ALDH7A1: variants seen among roughly 807,000 people sequenced by gnomAD.
ALDH7A1 encodes alpha-aminoadipic semialdehyde dehydrogenase.
A neutral mutation model predicts 79.9 loss-of-function variants in ALDH7A1; 63 were observed. The ratio of observed to expected loss-of-function variants is 0.79; its 90% confidence interval spans 0.64 to 0.97. The LOEUF is 0.97. ALDH7A1 is among the 50% of genes least tolerant of loss of function. The pLI is 0.00. For missense variants in ALDH7A1, 627 were observed against 665.2 expected, an observed-to-expected ratio of 0.94 and a Z score of 0.63; for synonymous variants, 240 against 231.2, an observed-to-expected ratio of 1.04 and a Z score of -0.34.
intron 12 of ALDH7A1, 141 bp from the exon 13 acceptor site, chr5:126,554,534 T>C: frequency 2.8e-6 from 2 of 726,282 alleles, no homozygotes; most frequent in East Asian, 5.3e-5. Context: ...CCTTTTTCCA[T>C]AAAGAACCAG....
chr5:126,551,170 C>T (rs1749984168), intron 14 of ALDH7A1, among the ~76,000 whole-genome samples: 1 of 151,862 alleles, frequency 6.6e-6, no homozygotes, highest in South Asian at 2.1e-4. Context: ...TCAAGTGATC[C>T]TCCCAAAGCA....
intron 6 of ALDH7A1, among the ~76,000 whole-genome samples, chr5:126,576,281 A>AT: frequency 6.7e-6 from 1 of 150,176 alleles, no homozygotes; most frequent in Non-Finnish European, 1.5e-5. Context: ...AAAAAAAAAA[A>AT]GAATTGTGGA....
rs1298018110 is a variant in ALDH7A1 at position 126,544,855 on chromosome 5, G to C, written c.*110C>G. On this transcript the variant is annotated 3_prime_UTR_variant, in exon 18 of 18. Transcript: ENST00000409134. ...TGGGGTCATAGGGGGATTAGTCACTGTCACAGTCATAATAATGCATTTATT... is the reference window on the plus strand; with the variant it reads ...TGGGGTCATAGGGGGATTAGTCACTCTCACAGTCATAATAATGCATTTATT... The C allele has an allele frequency of 1.2e-6, 1 of 864,792 alleles. No individual in the cohort carries two copies. Among genetic ancestry groups the C allele is most frequent in the African/African-American group, 1.7e-5 (1 of 59,798 alleles). The allele number at this position is 864,792 out of a possible 1,614,324, so 53.6% of individuals were successfully genotyped here. A position where few individuals can be genotyped will look rare whatever the true frequency, so the allele number is the denominator to read the frequency against.
intron 11 of ALDH7A1, among the ~76,000 whole-genome samples, chr5:126,556,858 T>C (rs1340310268): frequency 6.6e-6 from 1 of 152,218 alleles, no homozygotes; most frequent in Non-Finnish European, 1.5e-5. Flanking sequence ...CCACATGTGA[T>C]GAATGAATTG....
In ALDH7A1 at chr5:126,552,081, G is replaced by A. The variant is rs778236831; in HGVS notation, c.1257C>T (p.His419=). 1.1e-5 allele frequency: 18 copies of A among 1,613,928 alleles called. No homozygotes were observed. Among genetic ancestry groups the A allele is most frequent in the Admixed American group, 5.0e-5 (3 of 60,002 alleles). The change falls in exon 14 of 18, where the codon CAC becomes CAT. Residue 419 remains histidine, a synonymous_variant. Transcript: ENST00000409134. The part of the protein sequence containing the change: ...VEPTIVTGLG[H]DASIAHTETF... Reference sequence around the variant, plus strand: ...TCTCTGTGTGTGCAATGGACGCATCGTGGCCAAGACCTGTCACAATTGTCG... The same window carrying A: ...TCTCTGTGTGTGCAATGGACGCATCATGGCCAAGACCTGTCACAATTGTCG...
intron 11 of ALDH7A1, 23 bp from the exon 12 acceptor site, chr5:126,556,038 G>C: frequency 6.5e-7 from 1 of 1,541,530 alleles, no homozygotes; most frequent in South Asian, 1.1e-5. Flanking sequence ...AGATATTCAA[G>C]GGCATAGTAT....
intron 10 of ALDH7A1, among the ~76,000 whole-genome samples, chr5:126,559,681 C>T (rs1455477240): frequency 6.6e-6 from 1 of 152,160 alleles, no homozygotes; most frequent in South Asian, 2.1e-4. Context: ...GATGCACCCA[C>T]CTTGGCCTCC....
At chr5:126,586,315 G>A (rs2112807610) in intron 3 of ALDH7A1, 1 of 152,320 alleles carries the variant, frequency 6.6e-6, no homozygotes, top group African/African-American at 2.4e-5. Flanking sequence ...TGGGTTTAAT[G>A]ATGTTTCAAT....
rs1749691046 is a variant in ALDH7A1 at position 126,543,736 on chromosome 5, G to A, written c.*1229C>T. 6.6e-6 allele frequency: 1 copy of A among 152,206 alleles called. No individual in the cohort carries two copies. The highest frequency in any genetic ancestry group is 6.5e-5 in the Admixed American group (1 of 15,274). 9.4% of individuals were successfully genotyped at this position (152,206 alleles called of 1,614,324 possible). ...TGCAGAAGGGGAGCAGAGAATGCCA[G>A]GAAGGCAGGAGAACAGGGGCCTCTG... On this transcript the variant is annotated 3_prime_UTR_variant, in exon 18 of 18. Transcript: ENST00000409134.
intron 7 of ALDH7A1, among the ~76,000 whole-genome samples, chr5:126,574,943 G>C (rs1561662617): frequency 6.6e-6 from 1 of 152,082 alleles, no homozygotes; most frequent in African/African-American, 2.4e-5. Flanking sequence ...TCAAATATAA[G>C]TAAAGCATTA....
At chr5:126,548,342 G>A (rs1035156013) in intron 16 of ALDH7A1, among the ~76,000 whole-genome samples, 15 of 151,528 alleles carry the variant, frequency 9.9e-5, no homozygotes, top group Non-Finnish European at 1.6e-4. Flanking sequence ...TAGAGACAGG[G>A]TCCTACCATG....
chr5:126,577,588 G>C (rs544996215), intron 5 of ALDH7A1, among the ~76,000 whole-genome samples: 3 of 152,208 alleles, frequency 2.0e-5, no homozygotes, highest in Admixed American at 2.0e-4. Context: ...GTTTGGTTTT[G>C]AGTCAGTCTC....
chr5:126,557,933 C>T (rs967347543), intron 11 of ALDH7A1, among the ~76,000 whole-genome samples: 4 of 151,784 alleles, frequency 2.6e-5, no homozygotes, highest in South Asian at 2.1e-4. Flanking sequence ...TTTGCAAGGC[C>T]GAGGTAGGTG....
At chr5:126,567,740 G>A (rs1247677427) in intron 9 of ALDH7A1, 1 of 160,164 alleles carries the variant, frequency 6.2e-6, no homozygotes, top group African/African-American at 2.4e-5. Context: ...CCAAAGTGCT[G>A]GGATTACAGG....
chr5:126,553,230 G>A (rs192020246), intron 13 of ALDH7A1: 8 of 152,122 alleles, frequency 5.3e-5, no homozygotes, highest in Non-Finnish European at 7.4e-5. Context: ...CCATGACTCC[G>A]TTTCTTCTAT....
intron 15 of ALDH7A1, 46 bp downstream of exon 15, chr5:126,550,150 A>G: frequency 6.3e-7 from 1 of 1,579,304 alleles, no homozygotes; most frequent in Non-Finnish European, 8.7e-7. Flanking sequence ...TCCACTCACC[A>G]CATAAATCAG....
At chr5:126,562,691 C>T (rs544660059) in intron 9 of ALDH7A1, among the ~76,000 whole-genome samples, 4 of 151,966 alleles carry the variant, frequency 2.6e-5, no homozygotes, top group East Asian at 2.0e-4. Context: ...CTACTAAAAA[C>T]ACAAAAATTA....
At chr5:126,559,126 A>T in intron 11 of ALDH7A1, 114 bp downstream of exon 11, 1 of 836,150 alleles carries the variant, frequency 1.2e-6, no homozygotes, top group Non-Finnish European at 2.0e-6. Flanking sequence ...TTTGCCAGCC[A>T]CATCTAGAGA....
intron 7 of ALDH7A1, among the ~76,000 whole-genome samples, chr5:126,572,115 G>A (rs77991944): frequency 0.031 from 4,760 of 152,266 alleles, 213 homozygotes; most frequent in African/African-American, 0.091. Flanking sequence ...GGACCAAAGA[G>A]CAAAGGTTAT....
Sources: allele counts gnomAD v4.1 joint callset (sites outside exome capture counted in the v4.1 genomes callset), GRCh38; gene constraint gnomAD v4.1.1; transcripts MANE v1.5; gene names NCBI Gene and HGNC (gene_info 2026-07-23, HGNC 2026-07-21).